SERPING1: variants seen among roughly 807,000 people sequenced by gnomAD.
The protein encoded by SERPING1 is plasma protease C1 inhibitor.
SERPING1 carries 5 observed loss-of-function variants against 34.1 expected under a neutral mutation model. The ratio of observed to expected loss-of-function variants is 0.15; its 90% CI spans 0.08 to 0.31. SERPING1 has a LOEUF of 0.31. Ranked by LOEUF, SERPING1 falls within the 10% of genes least tolerant of loss-of-function variation. The pLI, the probability that SERPING1 is intolerant of heterozygous loss-of-function variation, is 1.00. For synonymous variants in SERPING1, 225 were observed against 242.4 expected (o/e 0.93, Z 0.67); for missense variants, 505 against 609.5 (o/e 0.83, Z 1.81).
chr11:57,606,653 A>G (rs1565171948), intron 6 of SERPING1, 106 bp downstream of exon 6: 2 of 1,127,246 alleles, frequency 1.8e-6, no homozygotes, highest in East Asian at 2.3e-5. Flanking sequence ...CAAATTCATC[A>G]CTTCTACTCC....
In SERPING1 at chr11:57,599,392, G is replaced by C. The variant is rs185153672; in HGVS notation, c.52-487G>C. Among the ~76,000 whole-genome samples the C allele has an allele frequency of 1.5e-4, 23 of 151,014 alleles. 1 individual carries two copies. The highest frequency in any genetic ancestry group is 1.3e-3 in the Admixed American group (20 of 15,158). On this transcript the variant is annotated intron_variant, in intron 2 of 7. Transcript: ENST00000278407. ...CCTTCTTTCCTCCTTCCCTTTCTTCGTTCCCTTCCTAATGTGTACTGTTTT... is the reference window on the plus strand; with the variant it reads ...CCTTCTTTCCTCCTTCCCTTTCTTCCTTCCCTTCCTAATGTGTACTGTTTT...
Position 57,600,403 on chromosome 11 carries a change from A to T in SERPING1, c.550+26A>T, listed in dbSNP as rs564416281. 2.5e-6 allele frequency: 4 copies of T among 1,611,662 alleles called. No individual in the cohort carries two copies. In the African/African-American group the frequency reaches 5.3e-5, roughly 22 times the overall value. ...GTAAGACCCTGCTTGAATTCTCTCC[A>T]GGTCATTTGTTGGACACTCCCATAA... On this transcript the variant is annotated intron_variant, in intron 3 of 7. Coordinates refer to ENST00000278407, the MANE Select transcript of SERPING1 (RefSeq NM_000062.3).
At chr11:57,604,892 A>G (rs959046640) in intron 4 of SERPING1, among the ~76,000 whole-genome samples, 7 of 151,918 alleles carry the variant, frequency 4.6e-5, no homozygotes, top group African/African-American at 1.5e-4. Context: ...AGTTCCAGCT[A>G]TGAAGGACTG....
Position 57,600,139 on chromosome 11 carries a change from A to G in SERPING1, c.312A>G (p.Gln104=). ...PTTQPTIQPT[Q]PTTQLPTDSP... is the part of the protein sequence containing the mutation. Reference sequence around the variant, plus strand: ...CCCAACCCACCATCCAACCCACCCAACCAACTACCCAGCTCCCAACAGATT... The same window carrying G: ...CCCAACCCACCATCCAACCCACCCAGCCAACTACCCAGCTCCCAACAGATT... Residue 104 remains glutamine, a synonymous_variant, in exon 3 of 8, where the codon CAA becomes CAG. Transcript: ENST00000278407. The G allele has an allele frequency of 6.2e-7, 1 of 1,612,484 alleles. No individual in the cohort carries two copies. Among genetic ancestry groups the G allele is most frequent in the Non-Finnish European group, 8.5e-7 (1 of 1,179,446 alleles).
At chr11:57,600,410 T>C (rs1409204930) in intron 3 of SERPING1, 33 bp downstream of exon 3, 1 of 1,611,222 alleles carries the variant, frequency 6.2e-7, no homozygotes, top group South Asian at 1.1e-5. Context: ...TCCAGGTCAT[T>C]TGTTGGACAC....
intron 6 of SERPING1, among the ~76,000 whole-genome samples, chr11:57,607,255 T>G (rs1031614042): frequency 6.6e-6 from 1 of 152,192 alleles, no homozygotes; most frequent in African/African-American, 2.4e-5. Context: ...TTCCTTAGCT[T>G]TTGTTTCTGC....
At chr11:57,606,585 A>G (rs1456404797) in intron 6 of SERPING1, 38 bp downstream of exon 6, 19 of 1,612,140 alleles carry the variant, frequency 1.2e-5, no homozygotes, top group African/African-American at 2.7e-5. Flanking sequence ...TTTGAAACCT[A>G]CTTGAGTCTC....
chr11:57,606,250 G>A, intron 5 of SERPING1, 37 bp downstream of exon 5: 1 of 1,612,270 alleles, frequency 6.2e-7, no homozygotes, highest in South Asian at 1.1e-5. Context: ...TTCCCATTCT[G>A]GGTCCTTCTT....
chr11:57,599,355 C>T (rs1945322064), intron 2 of SERPING1, among the ~76,000 whole-genome samples: 1 of 152,076 alleles, frequency 6.6e-6, no homozygotes, highest in South Asian at 2.1e-4. Context: ...TCTCTCCCTC[C>T]CTTCCTGCCT....
chr11:57,606,025 A>T lies in SERPING1; in HGVS notation c.701A>T (p.Asp234Val). ...ATACCCCCAGACCTGGCCATAAGGG[A>T]CACCTTTGTGAATGCCTCTCGGACC... ...IFHSPDLAIR[D>V]TFVNASRTLY... The change falls in exon 5 of 8, where the codon GAC becomes GTC. Residue 234 changes from aspartate to valine, a missense_variant. Transcript: ENST00000278407. 6.2e-7 allele frequency: 1 copy of T among 1,614,066 alleles called. No homozygotes were observed. Among genetic ancestry groups the T allele is most frequent in the South Asian group, 1.1e-5 (1 of 91,076 alleles).
chr11:57,609,706 C>T (rs1376765208), intron 6 of SERPING1, among the ~76,000 whole-genome samples: 2 of 152,136 alleles, frequency 1.3e-5, no homozygotes, highest in Non-Finnish European at 2.9e-5. Flanking sequence ...TTAGTATTCC[C>T]ATAAGCATTT....
Position 57,598,334 on chromosome 11 carries a change from T to G in SERPING1, c.51+13T>G. 6.4e-7 allele frequency: 1 copy of G among 1,556,692 alleles called. No homozygotes were observed. Among genetic ancestry groups the G allele is most frequent in the African/African-American group, 1.4e-5 (1 of 73,938 alleles). ...GCTGCTGGCTGGGGTATGTGGTCCC[T>G]TGTGGGATGGGGGACGGGGGTGGAG... On this transcript the variant is annotated intron_variant, in intron 2 of 7. Transcript: ENST00000278407.
At chr11:57,606,631 G>T in intron 6 of SERPING1, 84 bp downstream of exon 6, 1 of 1,390,452 alleles carries the variant, frequency 7.2e-7, no homozygotes, top group Non-Finnish European at 1.0e-6. Flanking sequence ...ATCATTTTGG[G>T]GTACATGCTT....
intron 6 of SERPING1, among the ~76,000 whole-genome samples, chr11:57,609,396 T>C (rs932507695): frequency 5.3e-5 from 8 of 152,026 alleles, no homozygotes; most frequent in Non-Finnish European, 1.2e-4. Flanking sequence ...TTGGCCAACA[T>C]TGTGAAACCC....
intron 6 of SERPING1, among the ~76,000 whole-genome samples, chr11:57,608,975 T>C (rs955048637): frequency 2.0e-5 from 3 of 152,164 alleles, no homozygotes; most frequent in Non-Finnish European, 2.9e-5. Flanking sequence ...CTGAACTTGC[T>C]ACATTAAGAG....
intron 4 of SERPING1, among the ~76,000 whole-genome samples, chr11:57,604,356 C>T (rs1484676667): frequency 6.6e-6 from 1 of 152,012 alleles, no homozygotes; most frequent in East Asian, 1.9e-4. Flanking sequence ...TAATAATAAA[C>T]TTACAAAACG....
In SERPING1 at chr11:57,606,226, T is replaced by G. The variant is rs2135317917; in HGVS notation, c.889+13T>G. 1 of 1,614,060 alleles carries G rather than the reference T, an allele frequency of 6.2e-7. No individual in the cohort carries two copies. Among genetic ancestry groups the G allele is most frequent in the Middle Eastern group, 1.6e-4 (1 of 6,062 alleles). On this transcript the variant is annotated intron_variant, in intron 5 of 7. Transcript: ENST00000278407. ...ATCTACCTGAGTGGTAAGGGTGCCC[T>G]TAGCCAGTTAGTCTTCCCATTCTGG...
chr11:57,602,661 A>C (rs1291219521), intron 4 of SERPING1, among the ~76,000 whole-genome samples: 1 of 150,590 alleles, frequency 6.6e-6, no homozygotes, highest in Non-Finnish European at 1.5e-5. Flanking sequence ...AGGCTGAGGC[A>C]GGAGAATTGC....
rs775187777 is a variant in SERPING1, at chr11:57,599,963, G to A, written c.136G>A (p.Ala46Thr). ...SLQDRGEGKV[A>T]TTVISKMLFV... is the part of the protein sequence containing the mutation. ...GCAAGACAGAGGCGAAGGGAAGGTCGCAACAACAGTTATCTCCAAGATGCT... is the reference window on the plus strand; with the variant it reads ...GCAAGACAGAGGCGAAGGGAAGGTCACAACAACAGTTATCTCCAAGATGCT... The change falls in exon 3 of 8, where the codon GCA (alanine) becomes ACA (threonine). Residue 46 changes from alanine (A) to threonine (T), a missense_variant. Physicochemically the swap from Ala to Thr is moderately conservative, Grantham distance 58. Transcript: ENST00000278407. The A allele has an allele frequency of 5.0e-6, 8 of 1,614,032 alleles. No individual in the cohort carries two copies. The Admixed American group carries it at 5.0e-5, about 10-fold the overall frequency.
Sources: allele counts gnomAD v4.1 joint callset (sites outside exome capture counted in the v4.1 genomes callset), GRCh38; gene constraint gnomAD v4.1.1; transcripts MANE v1.5; gene names NCBI Gene and HGNC (gene_info 2026-07-23, HGNC 2026-07-21).